The following GUCY2C variants were observed in gnomAD, a reference collection of about 807,000 sequenced individuals.
GUCY2C encodes the protein guanylyl cyclase C.
In GUCY2C, 118 loss-of-function variants were observed where a neutral mutation model predicts 131.1. That is an observed-to-expected ratio of 0.90 (90% CI 0.78 to 1.05). The LOEUF is 1.05. Among genes scored for constraint, GUCY2C ranks in the 50% least tolerant of loss-of-function variants. The pLI is 0.00. For synonymous variants in GUCY2C, 452 were observed against 457.8 expected (o/e 0.99, Z 0.16); for missense variants, 1,161 against 1,304.4 (o/e 0.89, Z 1.69).
intron 10 of GUCY2C, among the ~76,000 whole-genome samples, chr12:14,664,943 G>C (rs1947942516): frequency 1.3e-5 from 2 of 152,192 alleles, no homozygotes; most frequent in African/African-American, 4.8e-5. Flanking sequence ...AGGGGGCGCG[G>C]TGTCTCACAC....
chr12:14,645,208 CTG>C lies in GUCY2C; in HGVS notation c.1797+19_1797+20del. The C allele has an allele frequency of 6.2e-5, 77 of 1,233,348 alleles. No individual in the cohort carries two copies. Among genetic ancestry groups the C allele is most frequent in the Non-Finnish European group, 7.5e-5 (64 of 850,288 alleles). The allele number at this position is 1,233,348 out of a possible 1,614,324, so 76.4% of individuals were successfully genotyped here. ...TTCTTATATTTAATTTTCATATTTT[CTG>C]TGTGTGTGTTTCTCTTACCTTAGCA... On this transcript the variant is annotated intron_variant, in intron 16 of 26. Transcript: ENST00000261170.
intron 12 of GUCY2C, among the ~76,000 whole-genome samples, chr12:14,656,157 G>T (rs1207068365): frequency 6.6e-6 from 1 of 152,150 alleles, no homozygotes; most frequent in African/African-American, 2.4e-5. Flanking sequence ...CAAGTCATAG[G>T]CCCTTAGTAT....
intron 14 of GUCY2C, 139 bp from the exon 15 acceptor site, chr12:14,651,650 T>C (rs1947662312): frequency 1.6e-6 from 1 of 618,114 alleles, no homozygotes; most frequent in Non-Finnish European, 2.9e-6. Flanking sequence ...TCAGTACCCA[T>C]TGCTTATCAC....
intron 15 of GUCY2C, among the ~76,000 whole-genome samples, chr12:14,650,449 T>C (rs1375546598): frequency 1.3e-5 from 2 of 152,178 alleles, no homozygotes; most frequent in Non-Finnish European, 2.9e-5. Flanking sequence ...GGTTTCACCG[T>C]GTTGGCCAAG....
chr12:14,651,083 A>G (rs1947648484), intron 15 of GUCY2C, among the ~76,000 whole-genome samples: 1 of 152,192 alleles, frequency 6.6e-6, no homozygotes, highest in African/African-American at 2.4e-5. Flanking sequence ...TGGCGCTATC[A>G]TAATGATTAT....
intron 9 of GUCY2C, 121 bp from the exon 10 acceptor site, chr12:14,669,954 G>C: frequency 1.9e-6 from 1 of 530,288 alleles, no homozygotes; most frequent in Non-Finnish European, 3.3e-6. Flanking sequence ...AGTGAAAAAA[G>C]GCAACTGTTA....
chr12:14,656,165 T>C (rs1241580462), intron 12 of GUCY2C, among the ~76,000 whole-genome samples: 1 of 152,220 alleles, frequency 6.6e-6, no homozygotes, highest in Non-Finnish European at 1.5e-5. Flanking sequence ...AGGCCCTTAG[T>C]ATGGATAGAT....
intron 11 of GUCY2C, among the ~76,000 whole-genome samples, chr12:14,659,051 T>G (rs1296715222): frequency 1.5e-5 from 2 of 137,386 alleles, no homozygotes; most frequent in African/African-American, 5.7e-5. Context: ...CATTTCTTTC[T>G]TTTTTTTTTT....
chr12:14,662,590 C>T (rs1245613518), intron 10 of GUCY2C, among the ~76,000 whole-genome samples: 6 of 150,440 alleles, frequency 4.0e-5, no homozygotes, highest in Non-Finnish European at 5.9e-5. Context: ...GCAGGAGAAT[C>T]GCTTGAACCC....
In GUCY2C at chr12:14,695,340, G is replaced by A. The variant is rs905148495; in HGVS notation, c.217+892C>T. 3.5e-4 allele frequency among the ~76,000 whole-genome samples: 53 copies of A among 152,026 alleles called. 1 individual carries two copies. The highest frequency in any genetic ancestry group is 1.2e-4 in the Non-Finnish European group (8 of 68,014). On this transcript the variant is annotated intron_variant, in intron 1 of 26. Transcript: ENST00000261170. The stretch of plus-strand genomic sequence containing the variant: ...TAACTAAAAGGTACAATGAAGAACT[G>A]CAACAATGAATTTGATTGCAAATGT...
In GUCY2C at chr12:14,681,427, C is replaced by G; in HGVS notation, c.662G>C (p.Gly221Ala). The change falls in exon 5 of 27, where the codon GGC (glycine) becomes GCC (alanine). Residue 221 changes from glycine to alanine, a missense_variant. Transcript: ENST00000261170. ...ASVSYFSHEL[G>A]FKVVLRQDKE... Reference sequence around the variant, plus strand: ...ATCTTGTCTTAACACCACCTTAAAGCCGAGTTCGTGGGAGAAATAGGAAAC... The same window carrying G: ...ATCTTGTCTTAACACCACCTTAAAGGCGAGTTCGTGGGAGAAATAGGAAAC... 2 of 1,612,284 alleles carry G rather than the reference C, an allele frequency of 1.2e-6. No homozygotes were observed. The highest frequency in any genetic ancestry group is 1.7e-6 in the Non-Finnish European group (2 of 1,178,490).
intron 17 of GUCY2C, among the ~76,000 whole-genome samples, chr12:14,642,877 C>T (rs1010413620): frequency 9.2e-5 from 14 of 152,096 alleles, no homozygotes; most frequent in African/African-American, 2.7e-4. Flanking sequence ...TAAGGAAAAA[C>T]GAAAGGATTG....
chr12:14,662,879 AG>A (rs1947898172), intron 10 of GUCY2C, among the ~76,000 whole-genome samples: 1 of 152,174 alleles, frequency 6.6e-6, no homozygotes, highest in Non-Finnish European at 1.5e-5. Context: ...GGAGATGGGA[AG>A]GAGGTAGAAG....
intron 3 of GUCY2C, among the ~76,000 whole-genome samples, chr12:14,685,207 G>T (rs150438723): frequency 3.9e-5 from 6 of 152,256 alleles, no homozygotes; most frequent in African/African-American, 1.4e-4. Flanking sequence ...AGCAATATTA[G>T]TAAGTGATCA....
intron 8 of GUCY2C, among the ~76,000 whole-genome samples, chr12:14,674,000 T>C (rs1948171629): frequency 6.6e-6 from 1 of 152,214 alleles, no homozygotes; most frequent in South Asian, 2.1e-4. Context: ...AAAGGTTTCA[T>C]AGAGTAAGAC....
At chr12:14,687,152 A>C (rs766264594) in intron 2 of GUCY2C, among the ~76,000 whole-genome samples, 3 of 152,188 alleles carry the variant, frequency 2.0e-5, no homozygotes, top group Non-Finnish European at 2.9e-5. Context: ...TTACTACTTT[A>C]AGTTAGGTGG....
chr12:14,674,546 CCTT>C (rs748280142), intron 8 of GUCY2C, 76 bp downstream of exon 8: 6 of 1,327,208 alleles, frequency 4.5e-6, no homozygotes, highest in Non-Finnish European at 5.4e-6. Context: ...TATTGCTAAA[CCTT>C]CTTTGTTGCC....
At position 14,684,017 on chromosome 12, in the gene GUCY2C, C is replaced by G. The variant is rs1347915211; in HGVS notation, c.396-760G>C. Among the ~76,000 whole-genome samples the G allele has an allele frequency of 2.0e-5, 3 of 152,182 alleles. No homozygotes were observed. In the East Asian group the frequency reaches 5.8e-4, roughly 29 times the overall value. On this transcript the variant is annotated intron_variant, in intron 3 of 26. Transcript: ENST00000261170. ...CCCTTTCTATGTCCACTTCCTTCTT[C>G]CTAATCCAGGCCCTCCTTCTCTGCT...
intron 5 of GUCY2C, among the ~76,000 whole-genome samples, chr12:14,680,566 A>G (rs557277498): frequency 1.3e-5 from 2 of 152,344 alleles, no homozygotes; most frequent in Admixed American, 1.3e-4. Flanking sequence ...CTTTCCTTGT[A>G]GAAAATTCTC....
Sources: allele counts gnomAD v4.1 joint callset (sites outside exome capture counted in the v4.1 genomes callset), GRCh38; gene constraint gnomAD v4.1.1; transcripts MANE v1.5; gene names NCBI Gene and HGNC (gene_info 2026-07-23, HGNC 2026-07-21).